The following BABAM2 variants were observed in gnomAD, a reference collection of about 807,000 sequenced individuals.
BABAM2 encodes BRISC and BRCA1 A complex member 2, also known as BRISC and BRCA1-A complex member 2.
Under a neutral mutation model 54.7 loss-of-function variants are expected in BABAM2, and 31 were observed. The observed-to-expected ratio is 0.57, with a 90% CI of 0.43 to 0.77. The LOEUF is 0.77. Ranked by LOEUF, BABAM2 falls within the 30% of genes least tolerant of loss-of-function variation. BABAM2 has a pLI of 0.00. For missense variants in BABAM2, 364 were observed against 455.8 expected (o/e 0.80, Z 1.83); for synonymous variants, 167 against 162.9 (o/e 1.03, Z -0.19).
At chr2:28,172,887 G>C (rs1674512027) in intron 7 of BABAM2, among the ~76,000 whole-genome samples, 1 of 152,182 alleles carries the variant, frequency 6.6e-6, no homozygotes, top group African/African-American at 2.4e-5. Context: ...CAATAGAAAT[G>C]TATTTCTCAC....
At chr2:27,975,776 A>G (rs752992514) in intron 3 of BABAM2, among the ~76,000 whole-genome samples, 1 of 152,112 alleles carries the variant, frequency 6.6e-6, no homozygotes, top group Non-Finnish European at 1.5e-5. Context: ...AAGAAGCAGT[A>G]AGAGAAAATA....
At chr2:28,045,050 G>A (rs566631898) in intron 5 of BABAM2, among the ~76,000 whole-genome samples, 7 of 151,940 alleles carry the variant, frequency 4.6e-5, no homozygotes, top group Admixed American at 2.6e-4. Context: ...TTGAGAGGCA[G>A]ACGTTTTTCT....
chr2:27,961,269 C>T (rs1215578970), intron 3 of BABAM2, among the ~76,000 whole-genome samples: 2 of 152,200 alleles, frequency 1.3e-5, no homozygotes, highest in Non-Finnish European at 2.9e-5. Context: ...GTCCGATCCT[C>T]AAACTTACAA....
At chr2:28,172,616 G>T (rs1302746829) in intron 7 of BABAM2, among the ~76,000 whole-genome samples, 2 of 152,188 alleles carry the variant, frequency 1.3e-5, no homozygotes, top group Non-Finnish European at 2.9e-5. Flanking sequence ...TCTCAGCGAG[G>T]TGTGGCTGTT....
At chr2:28,244,226 G>A (rs1472221241) in intron 9 of BABAM2, among the ~76,000 whole-genome samples, 1 of 152,150 alleles carries the variant, frequency 6.6e-6, no homozygotes, top group African/African-American at 2.4e-5. Flanking sequence ...GTTGTCTGGT[G>A]TGATTGCCCT....
intron 9 of BABAM2, 132 bp downstream of exon 9, chr2:28,241,525 C>A: frequency 1.3e-6 from 1 of 792,382 alleles, no homozygotes; most frequent in Non-Finnish European, 2.1e-6. Context: ...GAGACAGTCT[C>A]GCTCTGTCAC....
At chr2:28,269,077 C>G (rs1685212198) in intron 10 of BABAM2, among the ~76,000 whole-genome samples, 1 of 152,194 alleles carries the variant, frequency 6.6e-6, no homozygotes. Context: ...ATACAGTTAT[C>G]ACGAGAAGTA....
At chr2:27,950,884 C>T (rs1669664539) in intron 3 of BABAM2, among the ~76,000 whole-genome samples, 1 of 152,000 alleles carries the variant, frequency 6.6e-6, no homozygotes, top group Non-Finnish European at 1.5e-5. Context: ...TGATTTGTGT[C>T]TTTAAAGGAA....
At chr2:28,061,688 A>G (rs1165756946) in intron 6 of BABAM2, among the ~76,000 whole-genome samples, 1 of 151,968 alleles carries the variant, frequency 6.6e-6, no homozygotes. Context: ...TTCCATGTAA[A>G]GTTTAACTCA....
intron 5 of BABAM2, among the ~76,000 whole-genome samples, chr2:28,039,366 T>A (rs1676899828): frequency 6.6e-6 from 1 of 152,234 alleles, no homozygotes; most frequent in Non-Finnish European, 1.5e-5. Flanking sequence ...AAACATTTTG[T>A]AAATTATAAA....
In BABAM2 at chr2:28,322,384, A is replaced by C. The variant is rs1690093586; in HGVS notation, c.1089-16066A>C. Among the ~76,000 whole-genome samples the C allele has an allele frequency of 6.6e-6, 1 of 152,244 alleles. No homozygotes were observed. The highest frequency in any genetic ancestry group is 1.5e-5 in the Non-Finnish European group (1 of 68,030). On this transcript the variant is annotated intron_variant, in intron 11 of 11. Transcript: ENST00000379624. This position sits in a 1 kb window ranked among gnomAD's most constrained non-coding sequence, Gnocchi z 4.1. ...GTAAGATTGCTTCATTCCAGAGAGCAGAACTGGGATCCATGGGCAGAAGTT... is the reference window on the plus strand; with the variant it reads ...GTAAGATTGCTTCATTCCAGAGAGCCGAACTGGGATCCATGGGCAGAAGTT...
chr2:28,286,482 T>A (rs1260351545), intron 10 of BABAM2, among the ~76,000 whole-genome samples: 1 of 152,192 alleles, frequency 6.6e-6, no homozygotes, highest in Non-Finnish European at 1.5e-5. Flanking sequence ...TGCTCCAGCT[T>A]CTGTCCTCCA....
chr2:28,136,072 C>A (rs151236197), intron 7 of BABAM2, among the ~76,000 whole-genome samples: 1 of 152,196 alleles, frequency 6.6e-6, no homozygotes, highest in African/African-American at 2.4e-5. Flanking sequence ...CTGGACTCTA[C>A]GTGTATCCTG....
At chr2:28,019,333 TTAA>T (rs1675084270) in intron 4 of BABAM2, among the ~76,000 whole-genome samples, 1 of 54,958 alleles carries the variant, frequency 1.8e-5, no homozygotes, top group African/African-American at 7.5e-5. Context: ...GTCTCACTTC[TTAA>T]TGAGATTTTT....
chr2:28,230,546 C>G (rs986217371), intron 7 of BABAM2, among the ~76,000 whole-genome samples: 2 of 127,594 alleles, frequency 1.6e-5, no homozygotes, highest in African/African-American at 5.9e-5. Context: ...GAAACTCCTT[C>G]CCTACTAAAA....
chr2:27,895,818 T>G (rs953202184), intron 2 of BABAM2, among the ~76,000 whole-genome samples: 29 of 152,318 alleles, frequency 1.9e-4, no homozygotes, highest in Middle Eastern at 6.8e-3. Flanking sequence ...AATTCTACTG[T>G]AAAGAAACAC....
chr2:28,306,860 G>A (rs1688575955), intron 11 of BABAM2, among the ~76,000 whole-genome samples: 1 of 149,674 alleles, frequency 6.7e-6, no homozygotes, highest in Non-Finnish European at 1.5e-5. Flanking sequence ...CTATTGCCTG[G>A]CTAATTTTTG....
At chr2:28,113,537 G>T (rs998300886) in intron 6 of BABAM2, among the ~76,000 whole-genome samples, 1 of 152,182 alleles carries the variant, frequency 6.6e-6, no homozygotes, top group African/African-American at 2.4e-5. Context: ...GTACCATGCT[G>T]TTTTGGTTGC....
chr2:27,984,892 C>T (rs372395526), intron 3 of BABAM2, among the ~76,000 whole-genome samples: 18 of 152,138 alleles, frequency 1.2e-4, no homozygotes, highest in Admixed American at 4.6e-4. Context: ...GTCATTCTTA[C>T]GCCTTTGCAT....
Sources: allele counts gnomAD v4.1 joint callset (sites outside exome capture counted in the v4.1 genomes callset), GRCh38; gene constraint gnomAD v4.1.1; non-coding constraint Gnocchi (gnomAD v3.1); transcripts MANE v1.5; gene names NCBI Gene and HGNC (gene_info 2026-07-23, HGNC 2026-07-21).